DOCK2: variants seen among roughly 807,000 people sequenced by gnomAD.
DOCK2 encodes dedicator of cytokinesis protein 2.
A neutral mutation model predicts 248.9 loss-of-function variants in DOCK2; 87 were observed. The ratio of observed to expected loss-of-function variants is 0.35; its 90% confidence interval spans 0.29 to 0.42. DOCK2 has a LOEUF of 0.42. DOCK2 is among the 10% of genes least tolerant of loss of function. The probability of loss-of-function intolerance (pLI) is 1.00; values close to 1 mark genes in which losing one functional copy is unlikely to be tolerated. For synonymous variants in DOCK2, 805 were observed against 821.6 expected (o/e 0.98, Z 0.35); for missense variants, 1,747 against 2,300.2 (o/e 0.76, Z 4.92).
chr5:169,841,423 C>T, intron 27 of DOCK2: 1 of 986,170 alleles, frequency 1.0e-6, no homozygotes, highest in Non-Finnish European at 1.2e-6. Flanking sequence ...ACCCTTTAAC[C>T]TCTGCCCATC....
intron 42 of DOCK2, among the ~76,000 whole-genome samples, 194 bp downstream of exon 42, chr5:170,055,580 C>T (rs1051267710): frequency 6.6e-6 from 1 of 152,248 alleles, no homozygotes; most frequent in African/African-American, 2.4e-5. Flanking sequence ...AAGGCTGAAG[C>T]CAGGAAGGAT....
At chr5:169,787,941 T>A (rs1766090093) in intron 25 of DOCK2, among the ~76,000 whole-genome samples, 1 of 152,018 alleles carries the variant, frequency 6.6e-6, no homozygotes. Context: ...GGGAAATTAT[T>A]TTTTTTGTAG....
At chr5:169,904,419 G>T (rs1315492490) in intron 27 of DOCK2, among the ~76,000 whole-genome samples, 4 of 152,134 alleles carry the variant, frequency 2.6e-5, no homozygotes, top group Non-Finnish European at 5.9e-5. Context: ...ATTTCTACCA[G>T]TGTGTTCAAA....
At chr5:169,691,878 A>G (rs892463990) in intron 9 of DOCK2, among the ~76,000 whole-genome samples, 16 of 147,886 alleles carry the variant, frequency 1.1e-4, no homozygotes, top group African/African-American at 3.5e-4. Context: ...TTTTTTTGAG[A>G]TGGAGTCTTG....
chr5:170,008,488 C>T lies in DOCK2; in HGVS notation c.3073-9C>T. 1 of 1,614,020 alleles carries T rather than the reference C, an allele frequency of 6.2e-7. No individual in the cohort carries two copies. Among genetic ancestry groups the T allele is most frequent in the Non-Finnish European group, 8.5e-7 (1 of 1,179,882 alleles). The stretch of plus-strand genomic sequence containing the variant: ...TCTCCATAACTGTTCTCTGCTCTTT[C>T]ATTTACAGCTGTGGAACAACTATTT... On this transcript the variant is annotated splice_polypyrimidine_tract_variant and intron_variant, in intron 30 of 51. Coordinates refer to ENST00000520908, the MANE Select transcript of DOCK2 (RefSeq NM_004946.3).
chr5:169,778,615 G>A (rs1281219962), intron 25 of DOCK2, among the ~76,000 whole-genome samples: 2 of 152,146 alleles, frequency 1.3e-5, no homozygotes, highest in East Asian at 3.9e-4. Flanking sequence ...TGCCCTACTT[G>A]CCTGGTAGAG....
chr5:170,064,215 C>T (rs1040118910), intron 44 of DOCK2, among the ~76,000 whole-genome samples: 1 of 152,042 alleles, frequency 6.6e-6, no homozygotes. Context: ...GAGAAACCAA[C>T]ACAGACACTG....
intron 48 of DOCK2, among the ~76,000 whole-genome samples, chr5:170,078,715 C>T (rs1757925558): frequency 6.6e-6 from 1 of 152,242 alleles, no homozygotes; most frequent in African/African-American, 2.4e-5. Context: ...TCCTCACCAC[C>T]AGTTTCTTTT....
chr5:169,674,132 A>G (rs1759197341), intron 5 of DOCK2, among the ~76,000 whole-genome samples, 165 bp from the exon 6 acceptor site: 1 of 152,234 alleles, frequency 6.6e-6, no homozygotes, highest in Non-Finnish European at 1.5e-5. Flanking sequence ...GAATAAATAC[A>G]TCAACGACTA....
intron 15 of DOCK2, among the ~76,000 whole-genome samples, chr5:169,710,753 G>A (rs1015779723): frequency 6.6e-6 from 1 of 152,174 alleles, no homozygotes; most frequent in African/African-American, 2.4e-5. Context: ...ACTTTGCTCA[G>A]TGTGTCTCCC....
chr5:170,051,265 G>A (rs994988282), intron 41 of DOCK2, among the ~76,000 whole-genome samples: 2 of 152,174 alleles, frequency 1.3e-5, no homozygotes, highest in African/African-American at 4.8e-5. Context: ...GCTAAGCAAG[G>A]CCTGCAAGGC....
intron 35 of DOCK2, among the ~76,000 whole-genome samples, chr5:170,034,945 A>G (rs1404166811): frequency 6.6e-6 from 1 of 152,196 alleles, no homozygotes; most frequent in African/African-American, 2.4e-5. Flanking sequence ...TAGTTTGCTT[A>G]TCTATTACAT....
At chr5:169,950,519 A>G (rs1776617680) in intron 27 of DOCK2, among the ~76,000 whole-genome samples, 1 of 152,156 alleles carries the variant, frequency 6.6e-6, no homozygotes, top group Non-Finnish European at 1.5e-5. Flanking sequence ...GCCACACAAC[A>G]TGGCCCCTCT....
intron 25 of DOCK2, among the ~76,000 whole-genome samples, chr5:169,801,277 C>T (rs78511470): frequency 0.13 from 18,995 of 147,680 alleles, 1,595 homozygotes; most frequent in African/African-American, 0.24. Context: ...GCTGAGATTA[C>T]AGGCGTAGGC....
chr5:169,787,175 T>C (rs1001624815), intron 25 of DOCK2, among the ~76,000 whole-genome samples: 2 of 152,212 alleles, frequency 1.3e-5, no homozygotes, highest in Non-Finnish European at 2.9e-5. Flanking sequence ...CTCACCGTTG[T>C]CTATATAGCA....
intron 23 of DOCK2, among the ~76,000 whole-genome samples, 183 bp downstream of exon 23, chr5:169,747,687 C>T (rs917666352): frequency 9.8e-5 from 15 of 152,292 alleles, no homozygotes; most frequent in Admixed American, 9.8e-4. Flanking sequence ...TTGTTTGTTA[C>T]CCATGAAGCT....
chr5:169,709,850 TG>T (rs1761480242), intron 15 of DOCK2, among the ~76,000 whole-genome samples: 1 of 152,240 alleles, frequency 6.6e-6, no homozygotes, highest in South Asian at 2.1e-4. Flanking sequence ...GAGATGTAAA[TG>T]TGCTCTGCAG....
intron 22 of DOCK2, among the ~76,000 whole-genome samples, chr5:169,725,796 G>A (rs1176662944): frequency 6.6e-6 from 1 of 152,038 alleles, no homozygotes; most frequent in Non-Finnish European, 1.5e-5. Flanking sequence ...TTAGAATGAT[G>A]GTTTCCAGCT....
At chr5:170,032,391 T>C (rs1756172192) in intron 34 of DOCK2, among the ~76,000 whole-genome samples, 1 of 152,192 alleles carries the variant, frequency 6.6e-6, no homozygotes, top group Non-Finnish European at 1.5e-5. Flanking sequence ...AAAATACTGC[T>C]GCCTGGGTCC....
Sources: allele counts gnomAD v4.1 joint callset (sites outside exome capture counted in the v4.1 genomes callset), GRCh38; gene constraint gnomAD v4.1.1; transcripts MANE v1.5; gene names NCBI Gene and HGNC (gene_info 2026-07-23, HGNC 2026-07-21).